The following DOCK5 variants were observed in gnomAD, a reference collection of about 807,000 sequenced individuals.
DOCK5 encodes dedicator of cytokinesis protein 5.
Under a neutral mutation model 251.8 loss-of-function variants are expected in DOCK5, and 142 were observed. The observed-to-expected ratio is 0.56, with a 90% CI of 0.49 to 0.65. The LOEUF is 0.65. Ranked by LOEUF, DOCK5 falls within the 30% of genes least tolerant of loss-of-function variation. The probability of loss-of-function intolerance (pLI) is 0.00; values close to 1 mark genes in which losing one functional copy is unlikely to be tolerated. For synonymous variants in DOCK5, 842 were observed against 835.5 expected (o/e 1.01, Z -0.13); for missense variants, 2,111 against 2,312.3 (o/e 0.91, Z 1.79).
chr8:25,388,979 GTGGGGATTGAACGTTGGC>G, intron 40 of DOCK5, 94 bp from the exon 41 acceptor site: 1 of 959,712 alleles, frequency 1.0e-6, no homozygotes, highest in South Asian at 1.6e-5. Context: ...GAACTTGATG[GTGGGGATTGAACGTTGGC>G]TGGGGAGTGC....
At chr8:25,273,561 C>T (rs1326530391) in intron 3 of DOCK5, among the ~76,000 whole-genome samples, 5 of 152,206 alleles carry the variant, frequency 3.3e-5, no homozygotes, top group East Asian at 1.9e-4. Flanking sequence ...CGAAATTGTG[C>T]GACTGTACTC....
chr8:25,229,700 G>T (rs1259573762), intron 1 of DOCK5, among the ~76,000 whole-genome samples: 1 of 151,970 alleles, frequency 6.6e-6, no homozygotes, highest in African/African-American at 2.4e-5. Flanking sequence ...ATATATCAGA[G>T]GGTCATTCTA....
At chr8:25,296,218 C>G (rs928151101) in intron 6 of DOCK5, among the ~76,000 whole-genome samples, 10 of 152,190 alleles carry the variant, frequency 6.6e-5, no homozygotes, top group Non-Finnish European at 1.0e-4. Context: ...AGGCAAGAAG[C>G]ATTGGCCAGA....
intron 1 of DOCK5, among the ~76,000 whole-genome samples, chr8:25,191,443 CAT>C (rs1801580282): frequency 6.6e-6 from 1 of 152,154 alleles, no homozygotes. Context: ...TTTTTACAAA[CAT>C]GTATTGGATT....
At chr8:25,320,545 T>C (rs1586326523) in intron 15 of DOCK5, among the ~76,000 whole-genome samples, 1 of 152,162 alleles carries the variant, frequency 6.6e-6, no homozygotes, top group East Asian at 1.9e-4. Flanking sequence ...CTGTTTCTTC[T>C]CTCCCCTGTA....
At chr8:25,258,357 A>G (rs545478841) in intron 2 of DOCK5, among the ~76,000 whole-genome samples, 1 of 152,266 alleles carries the variant, frequency 6.6e-6, no homozygotes, top group South Asian at 2.1e-4. Flanking sequence ...TTATGGGGTA[A>G]CAAGATTAAA....
intron 2 of DOCK5, among the ~76,000 whole-genome samples, chr8:25,255,490 A>G (rs1211783797): frequency 6.6e-6 from 1 of 152,196 alleles, no homozygotes; most frequent in Non-Finnish European, 1.5e-5. Flanking sequence ...AACTATGGAG[A>G]TGGTAAAAAG....
Position 25,292,030 on chromosome 8 carries a change from A to G in DOCK5, c.328A>G (p.Lys110Glu), listed in dbSNP as rs774268079. 35 of 1,588,786 alleles carry G rather than the reference A, an allele frequency of 2.2e-5. No individual in the cohort carries two copies. In the Admixed American group the frequency reaches 6.0e-4, roughly 27 times the overall value. Residue 110 changes from lysine (K) to glutamate (E), a missense_variant, in exon 6 of 52, where the codon AAG becomes GAG. By Grantham distance (56) the Lys-to-Glu change is moderately conservative (BLOSUM62 1). Coordinates refer to ENST00000276440, the MANE Select transcript of DOCK5 (RefSeq NM_024940.8). ...VIWRKLYVNN[K>E]LTLFRQLQQM... ...TCATATTTTCTCATCTTAGAACAAC[A>G]AGCTCACCCTCTTCCGCCAGCTGCA... is the stretch of plus-strand genomic sequence containing the variant.
chr8:25,210,064 G>GTCTATT (rs1802096005), intron 1 of DOCK5, among the ~76,000 whole-genome samples: 2 of 25,046 alleles, frequency 8.0e-5, no homozygotes, highest in African/African-American at 2.6e-4. Flanking sequence ...GTGTGTGTGT[G>GTCTATT]TGTGTATCTG....
At chr8:25,353,297 G>A (rs903565209) in intron 27 of DOCK5, among the ~76,000 whole-genome samples, 9 of 152,060 alleles carry the variant, frequency 5.9e-5, no homozygotes, top group African/African-American at 2.2e-4. Flanking sequence ...CTATGATCTC[G>A]CCATTGCACT....
intron 28 of DOCK5, among the ~76,000 whole-genome samples, chr8:25,360,842 C>T (rs375648618): frequency 1.3e-5 from 2 of 151,984 alleles, no homozygotes; most frequent in Non-Finnish European, 2.9e-5. Flanking sequence ...AAGGTCAAAC[C>T]GTGACAATTT....
intron 1 of DOCK5, among the ~76,000 whole-genome samples, chr8:25,207,270 C>CA (rs1349623753): frequency 1.3e-5 from 2 of 152,148 alleles, no homozygotes; most frequent in Non-Finnish European, 2.9e-5. Flanking sequence ...GGTGAGGCAG[C>CA]AAGTGCTGAT....
chr8:25,384,752 G>A (rs2117308683), intron 40 of DOCK5, among the ~76,000 whole-genome samples: 1 of 151,974 alleles, frequency 6.6e-6, no homozygotes, highest in East Asian at 1.9e-4. Flanking sequence ...GAGCCACCGT[G>A]CCCAGCCTAT....
chr8:25,283,203 A>T (rs954146444), intron 5 of DOCK5, among the ~76,000 whole-genome samples: 3 of 151,388 alleles, frequency 2.0e-5, no homozygotes, highest in African/African-American at 7.3e-5. Context: ...AGAACAGATG[A>T]CTCCCCCCGT....
At position 25,392,720 on chromosome 8, in the gene DOCK5, C is replaced by T; in HGVS notation, c.4441-76C>T. ...TGAACCAGGGAGTCTTGCTGTTTTC[C>T]CTGGGAATTGACCAACATTTCATGT... On this transcript the variant is annotated intron_variant, in intron 43 of 51. Coordinates refer to ENST00000276440, the MANE Select transcript of DOCK5 (RefSeq NM_024940.8). The T allele has an allele frequency of 4.6e-6, 6 of 1,299,850 alleles. No individual in the cohort carries two copies. The South Asian group carries it at 5.0e-5, about 11-fold the overall frequency. 80.5% of individuals were successfully genotyped at this position (1,299,850 alleles called of 1,614,324 possible).
chr8:25,367,866 T>G (rs2117278494), intron 31 of DOCK5, among the ~76,000 whole-genome samples: 1 of 152,314 alleles, frequency 6.6e-6, no homozygotes, highest in Non-Finnish European at 1.5e-5. Flanking sequence ...TGATCATACT[T>G]CATTCACCTT....
chr8:25,239,113 GC>G (rs1284950004), intron 1 of DOCK5, among the ~76,000 whole-genome samples: 3 of 152,120 alleles, frequency 2.0e-5, no homozygotes, highest in Non-Finnish European at 4.4e-5. Flanking sequence ...ATCAAGACAG[GC>G]CCTTGTTCTA....
intron 24 of DOCK5, among the ~76,000 whole-genome samples, chr8:25,342,153 C>T (rs1649887676): frequency 6.6e-6 from 1 of 152,058 alleles, no homozygotes; most frequent in Non-Finnish European, 1.5e-5. Context: ...TTCATAAAGG[C>T]GGGTCTGGAA....
intron 1 of DOCK5, among the ~76,000 whole-genome samples, chr8:25,205,874 A>G (rs1487056318): frequency 2.0e-5 from 3 of 152,232 alleles, no homozygotes; most frequent in African/African-American, 7.2e-5. Flanking sequence ...GCCATTGCAC[A>G]CTTAATTGAT....
Sources: allele counts gnomAD v4.1 joint callset (sites outside exome capture counted in the v4.1 genomes callset), GRCh38; gene constraint gnomAD v4.1.1; transcripts MANE v1.5; gene names NCBI Gene and HGNC (gene_info 2026-07-23, HGNC 2026-07-21).